WDFY4: variants seen among roughly 807,000 people sequenced by gnomAD.
WDFY4 encodes the protein WDFY family member 4.
Under a neutral mutation model 351.9 loss-of-function variants are expected in WDFY4, and 169 were observed. The ratio of observed to expected loss-of-function variants is 0.48; its 90% confidence interval spans 0.42 to 0.55. The LOEUF (loss-of-function observed/expected upper bound fraction) is 0.55, where lower values mean the gene tolerates loss of function less well. Ranked by LOEUF, WDFY4 falls within the 20% of genes least tolerant of loss-of-function variation. The pLI is 0.00. For missense variants in WDFY4, 3,803 were observed against 3,935.6 expected (o/e 0.97, Z 0.90); for synonymous variants, 1,622 against 1,574.6 (o/e 1.03, Z -0.71).
chr10:48,916,932 A>C (rs1297010200), intron 47 of WDFY4, among the ~76,000 whole-genome samples: 1 of 151,120 alleles, frequency 6.6e-6, no homozygotes, highest in East Asian at 1.9e-4. Flanking sequence ...CTGCATAATG[A>C]TGTTTTGGTC....
chr10:48,841,164 A>C (rs1262066438), intron 39 of WDFY4, among the ~76,000 whole-genome samples: 2 of 152,220 alleles, frequency 1.3e-5, no homozygotes, highest in Non-Finnish European at 2.9e-5. Context: ...TCTTCAATAA[A>C]AGCAGTTATT....
At chr10:48,718,740 C>T (rs1236944261) in intron 2 of WDFY4, among the ~76,000 whole-genome samples, 1 of 152,204 alleles carries the variant, frequency 6.6e-6, no homozygotes, top group African/African-American at 2.4e-5. Flanking sequence ...TCCTACTTAG[C>T]CAGTTCTACA....
intron 40 of WDFY4, among the ~76,000 whole-genome samples, chr10:48,872,722 T>A (rs566393716): frequency 3.4e-4 from 52 of 152,334 alleles, no homozygotes; most frequent in Non-Finnish European, 6.2e-4. Context: ...TGGGGGTATC[T>A]ATGTATTATT....
At position 48,826,801 on chromosome 10, in the gene WDFY4, T is replaced by C. The variant is rs1432839982; in HGVS notation, c.6113T>C (p.Ile2038Thr). Reference protein sequence around the residue: ...SLSECLGLLSILGFLQEHWDV... With the variant: ...SLSECLGLLSTLGFLQEHWDV... ...TCCGAATGCCTCGGCCTTCTCAGCA[T>C]CCTGGGCTTTCTGCAGGAGCACTGG... is the stretch of plus-strand genomic sequence containing the variant. Residue 2038 changes from isoleucine (I) to threonine (T), a missense_variant, in exon 36 of 62, where the codon ATC (isoleucine) becomes ACC (threonine). Coordinates refer to ENST00000325239, the MANE Select transcript of WDFY4 (RefSeq NM_001394531.1). 1 of 1,551,980 alleles carries C rather than the reference T, an allele frequency of 6.4e-7. No individual in the cohort carries two copies. The highest frequency in any genetic ancestry group is 8.7e-7 in the Non-Finnish European group (1 of 1,147,038).
intron 39 of WDFY4, among the ~76,000 whole-genome samples, chr10:48,845,851 A>G (rs2068758829): frequency 6.6e-6 from 1 of 152,168 alleles, no homozygotes; most frequent in African/African-American, 2.4e-5. Context: ...ACCGTCACAT[A>G]CCAGCACTGT....
At chr10:48,905,370 G>A (rs1837562034) in intron 47 of WDFY4, among the ~76,000 whole-genome samples, 1 of 152,214 alleles carries the variant, frequency 6.6e-6, no homozygotes, top group African/African-American at 2.4e-5. Flanking sequence ...TTTTGTAGAT[G>A]AGTCAAATGT....
intron 12 of WDFY4, among the ~76,000 whole-genome samples, chr10:48,758,496 G>A (rs559571998): frequency 6.6e-6 from 1 of 152,114 alleles, no homozygotes; most frequent in Non-Finnish European, 1.5e-5. Flanking sequence ...CTTCTCAAAC[G>A]TTTTTTCTTT....
At chr10:48,823,450 A>G in intron 35 of WDFY4, 1 of 1,191,150 alleles carries the variant, frequency 8.4e-7, no homozygotes, top group South Asian at 1.6e-5. Context: ...ATTGGCTCCC[A>G]GCACCCTTCT....
In WDFY4 at chr10:48,851,519, G is replaced by A. The variant is rs988488383; in HGVS notation, c.6664-15746G>A. The stretch of plus-strand genomic sequence containing the variant: ...CCCTCCCCTCTGAGTTTAGTCCCAG[G>A]CCTGACATGTAGTGCGTGGCTGAAG... On this transcript the variant is annotated intron_variant, in intron 39 of 61. Transcript: ENST00000325239. Among the ~76,000 whole-genome samples the A allele has an allele frequency of 5.3e-5, 8 of 152,198 alleles. 1 individual carries two copies. The highest frequency in any genetic ancestry group is 5.2e-4 in the Admixed American group (8 of 15,286).
chr10:48,777,048 A>G (rs2066054748), intron 16 of WDFY4, 64 bp downstream of exon 16: 1 of 1,472,020 alleles, frequency 6.8e-7, no homozygotes, highest in African/African-American at 1.4e-5. Context: ...CTGATGAATT[A>G]TAATATTGAT....
At position 48,736,067 on chromosome 10, in the gene WDFY4, G is replaced by A. The variant is rs1279001924; in HGVS notation, c.1875G>A (p.Leu625=). ...QGELQLKLDL[L]KSLLRILVTP... Reference sequence around the variant, plus strand: ...AGCTGCAGCTGAAACTGGATCTCCTGAAGGTGATTTCAAGTCCTCCTTTGA... The same window carrying A: ...AGCTGCAGCTGAAACTGGATCTCCTAAAGGTGATTTCAAGTCCTCCTTTGA... The change falls in exon 11 of 62, where the codon CTG becomes CTA. Residue 625 remains leucine, a synonymous_variant. Coordinates refer to ENST00000325239, the MANE Select transcript of WDFY4 (RefSeq NM_001394531.1). 7.1e-6 allele frequency: 11 copies of A among 1,551,792 alleles called. No homozygotes were observed. Among genetic ancestry groups the A allele is most frequent in the Non-Finnish European group, 9.6e-6 (11 of 1,147,010 alleles).
At chr10:48,883,438 A>G (rs1479443652) in intron 43 of WDFY4, among the ~76,000 whole-genome samples, 1 of 152,130 alleles carries the variant, frequency 6.6e-6, no homozygotes. Flanking sequence ...GGCTGGTACA[A>G]TTAGCCTATG....
intron 47 of WDFY4, among the ~76,000 whole-genome samples, chr10:48,929,167 G>A (rs1839831427): frequency 6.6e-6 from 1 of 151,956 alleles, no homozygotes; most frequent in South Asian, 2.1e-4. Context: ...TCAGATGGAG[G>A]AAACATCAAG....
intron 2 of WDFY4, 59 bp from the exon 3 acceptor site, chr10:48,719,952 G>A (rs1348539971): frequency 6.9e-7 from 1 of 1,459,304 alleles, no homozygotes; most frequent in African/African-American, 1.4e-5. Flanking sequence ...ATGGCAGGCA[G>A]TGCTCATGCC....
intron 47 of WDFY4, among the ~76,000 whole-genome samples, chr10:48,941,384 A>ACC (rs1840752807): frequency 6.6e-6 from 1 of 152,112 alleles, no homozygotes. Flanking sequence ...TTCTTGGGAG[A>ACC]CCCTTAGGCC....
At chr10:48,765,922 C>T (rs571766780) in intron 13 of WDFY4, among the ~76,000 whole-genome samples, 64 of 152,328 alleles carry the variant, frequency 4.2e-4, no homozygotes, top group Middle Eastern at 3.4e-3. Context: ...GGGTTCAGGG[C>T]TGCATGTATC....
chr10:48,928,370 G>GTGTGTC (rs1403663627), intron 47 of WDFY4, among the ~76,000 whole-genome samples: 1 of 142,938 alleles, frequency 7.0e-6, no homozygotes, highest in Non-Finnish European at 1.5e-5. Flanking sequence ...GTGTGTGTGT[G>GTGTGTC]TGTGTGTGTG....
At chr10:48,775,986 T>C (rs188272020) in intron 15 of WDFY4, among the ~76,000 whole-genome samples, 180 bp downstream of exon 15, 45 of 152,298 alleles carry the variant, frequency 3.0e-4, no homozygotes, top group African/African-American at 1.1e-3. Context: ...AGAAAGACCA[T>C]ATCCAGATGG....
chr10:48,963,917 C>T lies in WDFY4; in HGVS notation c.8299C>T (p.Pro2767Ser), dbSNP rs1211564939. Reference sequence around the variant, plus strand: ...TATTTTTGGGTACAAGCAGCAGGGGCCAGCCGCAGTGGATGCTGTTAATAT... The same window carrying T: ...TATTTTTGGGTACAAGCAGCAGGGGTCAGCCGCAGTGGATGCTGTTAATAT... ...DLIFGYKQQGPAAVDAVNIFH... is the reference protein window; with the variant it reads ...DLIFGYKQQGSAAVDAVNIFH... The change falls in exon 54 of 62, where the codon CCA (proline) becomes TCA (serine). Residue 2767 changes from proline to serine, a missense_variant. Pro to Ser is a moderately conservative substitution (Grantham distance 74, BLOSUM62 -1). Coordinates refer to ENST00000325239, the MANE Select transcript of WDFY4 (RefSeq NM_001394531.1). 5.2e-6 allele frequency: 8 copies of T among 1,551,394 alleles called. No homozygotes were observed. The highest frequency in any genetic ancestry group is 8.7e-7 in the Non-Finnish European group (1 of 1,146,992).
Sources: allele counts gnomAD v4.1 joint callset (sites outside exome capture counted in the v4.1 genomes callset), GRCh38; gene constraint gnomAD v4.1.1; transcripts MANE v1.5; gene names NCBI Gene and HGNC (gene_info 2026-07-23, HGNC 2026-07-21).